The following ARHGAP10 variants were observed in gnomAD, a reference collection of about 807,000 sequenced individuals.
ARHGAP10 encodes the protein rho GTPase-activating protein 10.
In ARHGAP10, 87 loss-of-function variants were observed where a neutral mutation model predicts 108.6. The ratio of observed to expected loss-of-function variants is 0.80; its 90% CI spans 0.67 to 0.96. The LOEUF (loss-of-function observed/expected upper bound fraction) is 0.96, where lower values mean the gene tolerates loss of function less well. Ranked by LOEUF, ARHGAP10 falls within the 40% of genes least tolerant of loss-of-function variation. ARHGAP10 has a pLI of 0.00. For missense variants in ARHGAP10, 939 were observed against 954.5 expected, an observed-to-expected ratio of 0.98 and a Z score of 0.21; for synonymous variants, 347 against 341.1, an observed-to-expected ratio of 1.02 and a Z score of -0.19.
Position 147,951,336 on chromosome 4 carries a change from A to G in ARHGAP10, c.1392-3980A>G, listed in dbSNP as rs1738589984. Among the ~76,000 whole-genome samples, 4 of 150,904 alleles carry G rather than the reference A, an allele frequency of 2.7e-5. No homozygotes were observed. In the South Asian group the frequency reaches 8.4e-4, roughly 32 times the overall value. ...ACCTCCTGCTTGTCTATATTTTGAAACAAACCCCCTAAAGACTTACTTCTG... is the reference window on the plus strand; with the variant it reads ...ACCTCCTGCTTGTCTATATTTTGAAGCAAACCCCCTAAAGACTTACTTCTG... On this transcript the variant is annotated intron_variant, in intron 15 of 22. Coordinates refer to ENST00000336498, the MANE Select transcript of ARHGAP10 (RefSeq NM_024605.4).
intron 1 of ARHGAP10, among the ~76,000 whole-genome samples, chr4:147,736,262 G>C (rs984890431): frequency 3.3e-5 from 5 of 152,160 alleles, no homozygotes; most frequent in Non-Finnish European, 5.9e-5. Context: ...TAGGTCTTCC[G>C]ACTTGGTTTT....
chr4:147,851,420 C>T (rs1226226686), intron 4 of ARHGAP10, among the ~76,000 whole-genome samples: 1 of 152,064 alleles, frequency 6.6e-6, no homozygotes, highest in African/African-American at 2.4e-5. Flanking sequence ...TCTGTGTTGC[C>T]CAGGCTGGTC....
intron 19 of ARHGAP10, among the ~76,000 whole-genome samples, chr4:148,035,165 C>G (rs1475285390): frequency 1.3e-5 from 2 of 152,150 alleles, no homozygotes; most frequent in South Asian, 2.1e-4. Context: ...AGCTGATTCT[C>G]TCATCAGCTT....
rs1336101095 is a variant in ARHGAP10 at position 147,913,145 on chromosome 4, A to G, written c.1228+6A>G. The G allele has an allele frequency of 6.2e-7, 1 of 1,612,266 alleles. No homozygotes were observed. Among genetic ancestry groups the G allele is most frequent in the Non-Finnish European group, 8.5e-7 (1 of 1,178,372 alleles). On this transcript the variant is annotated splice_donor_region_variant and intron_variant, in intron 13 of 22. Coordinates refer to ENST00000336498, the MANE Select transcript of ARHGAP10 (RefSeq NM_024605.4). Reference sequence around the variant, plus strand: ...CAGTGCCGTTGAAACACGAGGTAATATGATTGAATCATTTCATTCATGAGA... The same window carrying G: ...CAGTGCCGTTGAAACACGAGGTAATGTGATTGAATCATTTCATTCATGAGA...
chr4:147,963,438 C>T (rs536898658), intron 16 of ARHGAP10, among the ~76,000 whole-genome samples: 19 of 152,270 alleles, frequency 1.2e-4, no homozygotes, highest in African/African-American at 4.1e-4. Flanking sequence ...AAATTTAGAA[C>T]CTAATTCTCT....
intron 3 of ARHGAP10, among the ~76,000 whole-genome samples, chr4:147,830,434 TG>T (rs1732903535): frequency 6.6e-6 from 1 of 152,138 alleles, no homozygotes; most frequent in Non-Finnish European, 1.5e-5. Flanking sequence ...CACGGATTTT[TG>T]TTCCAAACTA....
At chr4:147,920,576 T>G (rs1737196583) in intron 13 of ARHGAP10, among the ~76,000 whole-genome samples, 1 of 152,212 alleles carries the variant, frequency 6.6e-6, no homozygotes, top group Non-Finnish European at 1.5e-5. Context: ...CAGTATTTAT[T>G]AGCATCACAG....
intron 16 of ARHGAP10, among the ~76,000 whole-genome samples, chr4:147,956,678 C>T (rs1263236515): frequency 3.3e-5 from 5 of 151,222 alleles, no homozygotes; most frequent in Admixed American, 1.3e-4. Context: ...CAGAAGAGTG[C>T]CAATTTTAAT....
intron 1 of ARHGAP10, among the ~76,000 whole-genome samples, chr4:147,775,360 A>AT (rs759759589): frequency 5.3e-5 from 8 of 152,202 alleles, no homozygotes; most frequent in Non-Finnish European, 7.3e-5. Context: ...GCTGAGGCTA[A>AT]TGGAGGTGGT....
In ARHGAP10 at chr4:148,055,024, TC is replaced by T. The variant is rs1031982439; in HGVS notation, c.2027+7975del. 1.4e-4 allele frequency among the ~76,000 whole-genome samples: 22 copies of T among 152,344 alleles called. No homozygotes were observed. In the East Asian group the frequency reaches 3.7e-3, roughly 25 times the overall value. On this transcript the variant is annotated intron_variant, in intron 20 of 22. Transcript: ENST00000336498. Reference sequence around the variant, plus strand: ...TAATTTTCTGAAATGAAGTTACAGTTCCTTTTCTGTTCAACTAGCAAGCTAA... The same window carrying T: ...TAATTTTCTGAAATGAAGTTACAGTTCTTTTCTGTTCAACTAGCAAGCTAA...
chr4:147,752,254 G>A lies in ARHGAP10; in HGVS notation c.154+19799G>A, dbSNP rs191836940. ...GTATTTCACAGATCTGATTTGGGGTGTTATCTTGTGTAAAGTCGTGGGGTT... is the reference window on the plus strand; with the variant it reads ...GTATTTCACAGATCTGATTTGGGGTATTATCTTGTGTAAAGTCGTGGGGTT... On this transcript the variant is annotated intron_variant, in intron 1 of 22. Coordinates refer to ENST00000336498, the MANE Select transcript of ARHGAP10 (RefSeq NM_024605.4). Among the ~76,000 whole-genome samples, 137 of 152,188 alleles carry A rather than the reference G, an allele frequency of 9.0e-4. 1 individual carries two copies. Among genetic ancestry groups the A allele is most frequent in the African/African-American group, 3.2e-3 (132 of 41,524 alleles).
chr4:147,876,656 T>G lies in ARHGAP10; in HGVS notation c.832+1506T>G, dbSNP rs115893921. Among the ~76,000 whole-genome samples, 940 of 152,244 alleles carry G rather than the reference T, an allele frequency of 6.2e-3. 8 individuals carry two copies. The highest frequency in any genetic ancestry group is 0.022 in the African/African-American group (906 of 41,548). On this transcript the variant is annotated intron_variant, in intron 8 of 22. Coordinates refer to ENST00000336498, the MANE Select transcript of ARHGAP10 (RefSeq NM_024605.4). The stretch of plus-strand genomic sequence containing the variant: ...TCGATAGTCTTGAGAATGTTAGAAT[T>G]ATTTGTATTATATGCCCAAGTGAAA...
intron 1 of ARHGAP10, among the ~76,000 whole-genome samples, chr4:147,752,259 C>T (rs1291776546): frequency 6.6e-6 from 1 of 152,028 alleles, no homozygotes. Context: ...GGGGTGTTAT[C>T]TTGTGTAAAG....
intron 18 of ARHGAP10, among the ~76,000 whole-genome samples, chr4:147,974,742 C>G (rs1739529217): frequency 6.6e-6 from 1 of 152,056 alleles, no homozygotes; most frequent in Non-Finnish European, 1.5e-5. Context: ...AAGACATACC[C>G]AAGACTGGGA....
At chr4:147,735,490 A>G (rs965499781) in intron 1 of ARHGAP10, among the ~76,000 whole-genome samples, 1 of 152,188 alleles carries the variant, frequency 6.6e-6, no homozygotes, top group African/African-American at 2.4e-5. Context: ...TGAAGAGACT[A>G]GTTTGGCTGG....
intron 1 of ARHGAP10, among the ~76,000 whole-genome samples, chr4:147,763,351 C>T (rs1181487001): frequency 5.5e-5 from 8 of 145,780 alleles, no homozygotes; most frequent in African/African-American, 1.3e-4. Context: ...CTCGCTCTGT[C>T]GCCAGGCTGG....
chr4:148,027,756 G>A (rs189761863), intron 19 of ARHGAP10, among the ~76,000 whole-genome samples: 11 of 152,234 alleles, frequency 7.2e-5, no homozygotes, highest in African/African-American at 1.9e-4. Flanking sequence ...TAAATTAGCC[G>A]TCTTAGGTAG....
chr4:147,993,128 G>A (rs1740341971), intron 18 of ARHGAP10, among the ~76,000 whole-genome samples: 1 of 152,102 alleles, frequency 6.6e-6, no homozygotes, highest in Non-Finnish European at 1.5e-5. Flanking sequence ...GTTCTTTCTT[G>A]ACCAGATAGT....
chr4:147,975,879 C>T (rs9684012), intron 18 of ARHGAP10, among the ~76,000 whole-genome samples: 36,423 of 152,126 alleles, frequency 0.24, 7,372 homozygotes, highest in African/African-American at 0.56. Context: ...TGTGTTGTTT[C>T]ACTCTTGTTA....
Sources: allele counts gnomAD v4.1 joint callset (sites outside exome capture counted in the v4.1 genomes callset), GRCh38; gene constraint gnomAD v4.1.1; transcripts MANE v1.5; gene names NCBI Gene and HGNC (gene_info 2026-07-23, HGNC 2026-07-21).